TLL1: variants seen among roughly 807,000 people sequenced by gnomAD.
TLL1 encodes tolloid-like protein 1.
In TLL1, 49 loss-of-function variants were observed where a neutral mutation model predicts 128.2. The observed-to-expected ratio is 0.38, with a 90% CI of 0.30 to 0.48. TLL1 has a LOEUF of 0.48. TLL1 is among the 20% of genes least tolerant of loss of function. The probability of loss-of-function intolerance (pLI) is 0.96; values close to 1 mark genes in which losing one functional copy is unlikely to be tolerated. For missense variants in TLL1, 1,123 were observed against 1,242.0 expected (o/e 0.90, Z 1.44); for synonymous variants, 454 against 418.8 (o/e 1.08, Z -1.03).
chr4:165,914,713 G>A (rs1179657511), intron 1 of TLL1, among the ~76,000 whole-genome samples: 1 of 152,128 alleles, frequency 6.6e-6, no homozygotes, highest in Non-Finnish European at 1.5e-5. Context: ...TGAATGCAGA[G>A]GACCCTTGTC....
intron 1 of TLL1, among the ~76,000 whole-genome samples, chr4:165,937,426 A>AT (rs1475800180): frequency 1.3e-5 from 2 of 152,154 alleles, no homozygotes; most frequent in Non-Finnish European, 2.9e-5. Flanking sequence ...TGCTAGTACT[A>AT]TTACTACCAA....
rs1412445640 is a variant in TLL1 at position 166,095,830 on chromosome 4, T to A, written c.2657-3447T>A. Among the ~76,000 whole-genome samples the A allele has an allele frequency of 3.3e-5, 5 of 152,118 alleles. No homozygotes were observed. The East Asian group carries it at 9.7e-4, about 29-fold the overall frequency. On this transcript the variant is annotated intron_variant, in intron 19 of 20. Coordinates refer to ENST00000061240, the MANE Select transcript of TLL1 (RefSeq NM_012464.5). The stretch of plus-strand genomic sequence containing the variant: ...CTGTAAGAACCGCTTTGGCAGCTGT[T>A]CTTTAGTTGCTGTAAAAATGCTATT...
intron 1 of TLL1, among the ~76,000 whole-genome samples, chr4:165,876,415 T>A (rs1442936238): frequency 6.6e-6 from 1 of 151,916 alleles, no homozygotes; most frequent in African/African-American, 2.4e-5. Flanking sequence ...AAAGAGAAGG[T>A]ACTTTCCAGA....
At position 165,967,931 on chromosome 4, in the gene TLL1, G is replaced by A. The variant is rs1423702747; in HGVS notation, c.170-21450G>A. 2.0e-5 allele frequency among the ~76,000 whole-genome samples: 3 copies of A among 152,160 alleles called. No individual in the cohort carries two copies. The East Asian group carries it at 5.8e-4, about 29-fold the overall frequency. On this transcript the variant is annotated intron_variant, in intron 1 of 20. Coordinates refer to ENST00000061240, the MANE Select transcript of TLL1 (RefSeq NM_012464.5). ...ATCTGGTCATGATTAGCCTATTTAA[G>A]GTTTATTTGGATGTTTACATAACAA...
intron 1 of TLL1, among the ~76,000 whole-genome samples, chr4:165,937,853 AC>A (rs11340655): frequency 0.28 from 16,356 of 58,840 alleles, 2,439 homozygotes; most frequent in African/African-American, 0.51. Context: ...TCCCTTCCCC[AC>A]CCCCCCCCCA....
intron 12 of TLL1, among the ~76,000 whole-genome samples, 189 bp downstream of exon 12, chr4:166,043,608 C>T (rs1039489842): frequency 1.3e-5 from 2 of 152,076 alleles, no homozygotes; most frequent in African/African-American, 4.8e-5. Flanking sequence ...CGTTTGGAGA[C>T]GTTTTCAAGA....
At chr4:165,992,462 AG>A (rs1223833208) in intron 2 of TLL1, among the ~76,000 whole-genome samples, 8 of 152,058 alleles carry the variant, frequency 5.3e-5, no homozygotes, top group Non-Finnish European at 1.2e-4. Flanking sequence ...TGCAATCAAC[AG>A]GGCAGAACAA....
At chr4:165,879,014 C>T (rs908802869) in intron 1 of TLL1, among the ~76,000 whole-genome samples, 3 of 145,804 alleles carry the variant, frequency 2.1e-5, no homozygotes, top group African/African-American at 7.5e-5. Flanking sequence ...CTCACAGCCT[C>T]GACCTCCTAG....
intron 19 of TLL1, among the ~76,000 whole-genome samples, chr4:166,095,260 C>CA (rs777235782): frequency 1.3e-5 from 2 of 151,376 alleles, no homozygotes; most frequent in Non-Finnish European, 1.5e-5. Context: ...CTTTACAAGT[C>CA]AAAAAAAAGT....
At chr4:165,957,640 C>T (rs1188646871) in intron 1 of TLL1, among the ~76,000 whole-genome samples, 1 of 151,530 alleles carries the variant, frequency 6.6e-6, no homozygotes, top group Non-Finnish European at 1.5e-5. Flanking sequence ...TATTTGTAGA[C>T]TTTTATCGCT....
At chr4:165,952,863 C>A (rs964980400) in intron 1 of TLL1, among the ~76,000 whole-genome samples, 1 of 151,852 alleles carries the variant, frequency 6.6e-6, no homozygotes, top group Non-Finnish European at 1.5e-5. Context: ...ACATAGCATC[C>A]CCCCACTAAA....
intron 1 of TLL1, among the ~76,000 whole-genome samples, chr4:165,907,541 A>G (rs948936053): frequency 8.0e-5 from 12 of 150,612 alleles, no homozygotes; most frequent in Admixed American, 2.6e-4. Flanking sequence ...AGATTAATTT[A>G]ATGCAAGCCT....
chr4:165,896,821 G>C (rs916379226), intron 1 of TLL1, among the ~76,000 whole-genome samples: 1 of 151,996 alleles, frequency 6.6e-6, no homozygotes, highest in Non-Finnish European at 1.5e-5. Context: ...TTGATGAATC[G>C]CCACACTGTC....
At chr4:166,099,595 T>G in intron 20 of TLL1, 68 bp downstream of exon 20, 3 of 1,590,950 alleles carry the variant, frequency 1.9e-6, no homozygotes, top group Non-Finnish European at 2.6e-6. Context: ...GATTGATATG[T>G]GTACCATTCA....
rs560495631 is a variant in TLL1 at position 166,070,997 on chromosome 4, T to C, written c.2189-3881T>C. 7.2e-4 allele frequency among the ~76,000 whole-genome samples: 109 copies of C among 152,076 alleles called. 1 individual carries two copies. Among genetic ancestry groups the C allele is most frequent in the Admixed American group, 4.7e-3 (71 of 15,220 alleles). ...GTTTATAGAAAGAGAAAATTGTCTC[T>C]GTTGTAGCTCTCGTAGTGTTTATTG... On this transcript the variant is annotated intron_variant, in intron 16 of 20. Transcript: ENST00000061240.
chr4:165,922,979 A>G (rs903205215), intron 1 of TLL1, among the ~76,000 whole-genome samples: 2 of 152,106 alleles, frequency 1.3e-5, no homozygotes, highest in African/African-American at 4.8e-5. Context: ...CTGTCTCTCA[A>G]GTAGGGATAT....
chr4:166,086,979 G>A (rs1025623594), intron 18 of TLL1, among the ~76,000 whole-genome samples: 25 of 151,922 alleles, frequency 1.6e-4, no homozygotes, highest in African/African-American at 5.6e-4. Context: ...AAAGATGCTT[G>A]GGGAAAAAAA....
chr4:166,043,814 C>CT (rs35370029), intron 12 of TLL1, among the ~76,000 whole-genome samples: 25,067 of 148,116 alleles, frequency 0.17, 2,602 homozygotes, highest in Middle Eastern at 0.27. Flanking sequence ...CATTTTTCAC[C>CT]TTTTTTTTTT....
chr4:165,985,225 G>T (rs1237491063), intron 1 of TLL1, among the ~76,000 whole-genome samples: 2 of 152,090 alleles, frequency 1.3e-5, no homozygotes, highest in East Asian at 1.9e-4. Context: ...GGACATGGAA[G>T]TAGAGACACT....
Sources: gnomAD v4.1 joint callset for allele counts (sites outside exome capture counted in the v4.1 genomes callset) on GRCh38, gnomAD v4.1.1 for gene constraint, MANE v1.5 for transcripts, NCBI Gene and HGNC (gene_info 2026-07-23, HGNC 2026-07-21) for gene names.